The following STPG2 variants were observed in gnomAD, a reference collection of about 807,000 sequenced individuals.
STPG2 encodes sperm-tail PG-rich repeat-containing protein 2.
Under a neutral mutation model 54.2 loss-of-function variants are expected in STPG2, and 56 were observed. The observed-to-expected ratio is 1.03, with a 90% CI of 0.83 to 1.29. The LOEUF is 1.29. Ranked by LOEUF, STPG2 falls within the 50% of genes most tolerant of loss-of-function variation. The pLI is 0.00. For missense variants in STPG2, 596 were observed against 544.9 expected (o/e 1.09, Z -0.93); for synonymous variants, 200 against 181.8 (o/e 1.10, Z -0.81).
At chr4:97,772,304 C>T (rs1259520758) in intron 9 of STPG2, among the ~76,000 whole-genome samples, 1 of 152,048 alleles carries the variant, frequency 6.6e-6, no homozygotes, top group Non-Finnish European at 1.5e-5. Context: ...ATGTTGAAAT[C>T]GTATCAATCA....
intron 10 of STPG2, among the ~76,000 whole-genome samples, chr4:97,684,810 A>G (rs538807144): frequency 1.3e-5 from 2 of 152,096 alleles, no homozygotes; most frequent in African/African-American, 4.8e-5. Context: ...TGAAGAGACA[A>G]GCCAAAAATT....
intron 5 of STPG2, among the ~76,000 whole-genome samples, chr4:97,988,746 C>T (rs376587358): frequency 3.9e-5 from 6 of 152,304 alleles, no homozygotes; most frequent in African/African-American, 1.4e-4. Flanking sequence ...GCTGGAACCA[C>T]AGGCATGCGC....
chr4:98,127,472 G>A (rs1739863421), intron 3 of STPG2, among the ~76,000 whole-genome samples: 1 of 152,106 alleles, frequency 6.6e-6, no homozygotes, highest in Non-Finnish European at 1.5e-5. Context: ...AATAACTATA[G>A]AATACTGGGA....
At chr4:97,922,225 AG>A (rs1300339357) in intron 8 of STPG2, among the ~76,000 whole-genome samples, 3 of 152,220 alleles carry the variant, frequency 2.0e-5, no homozygotes, top group Non-Finnish European at 4.4e-5. Context: ...ATCATTTTAC[AG>A]GGAATACATA....
chr4:98,078,064 C>G (rs1362609670), intron 5 of STPG2, among the ~76,000 whole-genome samples: 2 of 151,998 alleles, frequency 1.3e-5, no homozygotes. Context: ...TTCTCTCCAA[C>G]TGTAAAGCAA....
chr4:97,717,567 G>A (rs924503142), intron 9 of STPG2, among the ~76,000 whole-genome samples: 3 of 152,120 alleles, frequency 2.0e-5, no homozygotes, highest in Non-Finnish European at 2.9e-5. Flanking sequence ...AGCAATGTCT[G>A]TTTATCTGTG....
At position 97,699,232 on chromosome 4, in the gene STPG2, A is replaced by G. The variant is rs1030946474; in HGVS notation, c.1320+13467T>C. Among the ~76,000 whole-genome samples the G allele has an allele frequency of 2.0e-5, 3 of 152,200 alleles. No homozygotes were observed. In the South Asian group the frequency reaches 6.2e-4, roughly 32 times the overall value. On this transcript the variant is annotated intron_variant, in intron 10 of 10. Coordinates refer to ENST00000295268, the MANE Select transcript of STPG2 (RefSeq NM_174952.3). The stretch of plus-strand genomic sequence containing the variant: ...AGTGGAAATCCATGTTGTTGAGCCC[A>G]TGCATAACCTCCATCACTGCCACCA...
intron 10 of STPG2, among the ~76,000 whole-genome samples, chr4:97,710,168 T>G (rs1724068358): frequency 2.0e-5 from 3 of 151,898 alleles, no homozygotes; most frequent in Admixed American, 1.3e-4. Flanking sequence ...TATTAGATCT[T>G]CAAAAAGGTC....
chr4:97,678,798 C>T (rs1340585624), intron 10 of STPG2, among the ~76,000 whole-genome samples: 1 of 148,182 alleles, frequency 6.7e-6, no homozygotes, highest in Non-Finnish European at 1.5e-5. Flanking sequence ...ACAACAGTCC[C>T]CAGAGTGTGA....
chr4:98,014,043 G>A (rs567788438), intron 5 of STPG2, among the ~76,000 whole-genome samples: 2 of 151,882 alleles, frequency 1.3e-5, no homozygotes, highest in South Asian at 2.1e-4. Context: ...GCTTCTCTAG[G>A]TGCTTTAGTT....
At chr4:97,749,824 TC>T (rs1206603204) in intron 9 of STPG2, among the ~76,000 whole-genome samples, 1 of 151,826 alleles carries the variant, frequency 6.6e-6, no homozygotes. Flanking sequence ...GTTTGTTCTC[TC>T]TGCAGAAATG....
At chr4:97,957,111 G>GTGAAATATAAA (rs199740476) in intron 7 of STPG2, among the ~76,000 whole-genome samples, 1 of 138,270 alleles carries the variant, frequency 7.2e-6, no homozygotes, top group Admixed American at 7.3e-5. Flanking sequence ...AAATATACAT[G>GTGAAATATAAA]TGAAATATAC....
chr4:97,558,682 T>A (rs973106809), downstream of STPG2, among the ~76,000 whole-genome samples: 12 of 152,154 alleles, frequency 7.9e-5, no homozygotes, highest in African/African-American at 2.4e-4. Flanking sequence ...CAAACCTCCA[T>A]GTGACTGAGC....
intron 8 of STPG2, among the ~76,000 whole-genome samples, chr4:97,915,032 C>T (rs1578685828): frequency 6.6e-6 from 1 of 152,160 alleles, no homozygotes; most frequent in South Asian, 2.1e-4. Context: ...ATGTGTATAC[C>T]ACAATTTGTT....
chr4:97,820,831 A>C (rs1297712522), intron 9 of STPG2, among the ~76,000 whole-genome samples: 1 of 152,100 alleles, frequency 6.6e-6, no homozygotes, highest in Non-Finnish European at 1.5e-5. Flanking sequence ...ATGAGAACTC[A>C]TTCTCTATTG....
At chr4:98,137,498 A>G (rs1450285372) in intron 1 of STPG2, among the ~76,000 whole-genome samples, 1 of 151,698 alleles carries the variant, frequency 6.6e-6, no homozygotes, top group Non-Finnish European at 1.5e-5. Context: ...CTTCTTTTTA[A>G]GGTCTACATT....
At chr4:97,602,332 GT>G (rs1733484011) in intron 10 of STPG2, among the ~76,000 whole-genome samples, 1 of 151,668 alleles carries the variant, frequency 6.6e-6, no homozygotes, top group Non-Finnish European at 1.5e-5. Context: ...TCAAAGGACA[GT>G]TTTTGTTCTT....
chr4:97,486,418 G>A (rs1234394129), intron 4 of STPG2, among the ~76,000 whole-genome samples: 1 of 151,784 alleles, frequency 6.6e-6, no homozygotes, highest in Admixed American at 6.6e-5. Context: ...ATGAAAAAAT[G>A]TTCAACATCA....
At chr4:97,850,765 C>G (rs548287234) in intron 8 of STPG2, among the ~76,000 whole-genome samples, 2 of 152,106 alleles carry the variant, frequency 1.3e-5, no homozygotes, top group Non-Finnish European at 2.9e-5. Flanking sequence ...TGCCAAATAA[C>G]TACCCTCAAG....
Sources: gnomAD v4.1 joint callset for allele counts (sites outside exome capture counted in the v4.1 genomes callset) on GRCh38, gnomAD v4.1.1 for gene constraint, MANE v1.5 for transcripts, NCBI Gene and HGNC (gene_info 2026-07-23, HGNC 2026-07-21) for gene names.